The following KMT2A variants were observed in gnomAD, a reference collection of about 807,000 sequenced individuals.
KMT2A encodes lysine methyltransferase 2A.
Under a neutral mutation model 345.3 loss-of-function variants are expected in KMT2A, and 16 were observed. That is an observed-to-expected ratio of 0.05 (90% CI 0.03 to 0.07). The LOEUF (loss-of-function observed/expected upper bound fraction) is 0.07, where lower values mean the gene tolerates loss of function less well. KMT2A is among the 10% of genes least tolerant of loss of function. The pLI, the probability that KMT2A is intolerant of heterozygous loss-of-function variation, is 1.00. For missense variants in KMT2A, 3,272 were observed against 4,841.6 expected (o/e 0.68, Z 9.62); for synonymous variants, 1,599 against 1,778.6 (o/e 0.90, Z 2.54).
Position 118,491,158 on chromosome 11 carries a change from G to A in KMT2A, c.4697-38G>A. ...GAGGGCCGTAAAAACACGGGTATGT[G>A]AGCCAAAGCACTGCTGTAAACTTTG... is the stretch of plus-strand genomic sequence containing the variant. On this transcript the variant is annotated intron_variant, in intron 13 of 35. Transcript: ENST00000534358. This position sits in a 1 kb window ranked among gnomAD's most constrained non-coding sequence, Gnocchi z 4.2. 1 of 1,605,752 alleles carries A rather than the reference G, an allele frequency of 6.2e-7. No individual in the cohort carries two copies. The highest frequency in any genetic ancestry group is 8.5e-7 in the Non-Finnish European group (1 of 1,176,456).
chr11:118,496,298 C>T lies in KMT2A; in HGVS notation c.5595C>T (p.Asn1865=), dbSNP rs782296960. Residue 1865 remains asparagine (N), a synonymous_variant, in exon 20 of 36, where the codon AAC becomes AAT. Coordinates refer to ENST00000534358, the MANE Select transcript of KMT2A (RefSeq NM_001197104.2). This position sits in a 1 kb window ranked among gnomAD's most constrained non-coding sequence, Gnocchi z 4.7. Reference sequence around the variant, plus strand: ...GTCGAGAAGACAGTCCAGAGCTGAACCCACCCCCAGGCATAGAAGACAATA... The same window carrying T: ...GTCGAGAAGACAGTCCAGAGCTGAATCCACCCCCAGGCATAGAAGACAATA... The part of the protein sequence containing the change: ...DRSREDSPEL[N]PPPGIEDNRQ... The T allele has an allele frequency of 1.2e-6, 2 of 1,613,702 alleles. No individual in the cohort carries two copies. Among genetic ancestry groups the T allele is most frequent in the South Asian group, 1.1e-5 (1 of 91,082 alleles).
At chr11:118,492,655 G>A (rs1275826640) in intron 15 of KMT2A, among the ~76,000 whole-genome samples, 1 of 152,170 alleles carries the variant, frequency 6.6e-6, no homozygotes, top group African/African-American at 2.4e-5. Flanking sequence ...CTCAAGCCTG[G>A]GTGACAGAGC....
At chr11:118,512,530 CCATT>C (rs1295562305) in intron 31 of KMT2A, 2 of 153,794 alleles carry the variant, frequency 1.3e-5, no homozygotes, top group East Asian at 3.8e-4. Flanking sequence ...TGTTGCTTAT[CCATT>C]CATTAGTCAG....
intron 1 of KMT2A, among the ~76,000 whole-genome samples, chr11:118,463,634 C>G (rs1392759932): frequency 6.6e-6 from 1 of 152,128 alleles, no homozygotes; most frequent in Non-Finnish European, 1.5e-5. Context: ...GAAAACTATT[C>G]TACAGCCAGT....
Position 118,473,211 on chromosome 11 carries a change from T to G in KMT2A, c.2052T>G (p.Ser684=). The G allele has an allele frequency of 6.2e-7, 1 of 1,613,222 alleles. No homozygotes were observed. The highest frequency in any genetic ancestry group is 8.5e-7 in the Non-Finnish European group (1 of 1,179,576). ...CCCGATTGTTTTCGCCACTCCATTC[T>G]GGAACAAGGTTTGATATGCACAAAA... ...ASARLFSPLH[S]GTRFDMHKRS... The change falls in exon 3 of 36, where the codon TCT becomes TCG. Residue 684 remains serine, a synonymous_variant. Transcript: ENST00000534358. The surrounding 1 kb of genome is among the most constrained non-coding windows in gnomAD (Gnocchi z 5.2).
At position 118,526,608 on chromosome 11, in the gene KMT2A, G is replaced by T; in HGVS notation, c.*4436G>T. 1 of 229,680 alleles carries T rather than the reference G, an allele frequency of 4.4e-6. No individual in the cohort carries two copies. The highest frequency in any genetic ancestry group is 8.6e-6 in the Non-Finnish European group (1 of 116,248). The allele number at this position is 229,680 out of a possible 1,614,324, so 14.2% of individuals were successfully genotyped here. ...AGAGAAAAAAAAAAAAGGAAAATGT[G>T]TCTAAAGTCCATCAGTGTTAACTCC... is the stretch of plus-strand genomic sequence containing the variant. On this transcript the variant is annotated 3_prime_UTR_variant, in exon 36 of 36. Transcript: ENST00000534358.
chr11:118,444,625 G>C (rs1326571880), intron 1 of KMT2A, among the ~76,000 whole-genome samples: 2 of 152,206 alleles, frequency 1.3e-5, no homozygotes, highest in East Asian at 3.9e-4. Flanking sequence ...GCCTAGGCTA[G>C]AGTGTAATGG....
rs1029366758 is a variant in KMT2A, at chr11:118,491,114, G to C, written c.4697-82G>C. 137 of 1,392,322 alleles carry C rather than the reference G, an allele frequency of 9.8e-5. 1 individual carries two copies. In the South Asian group the frequency reaches 1.7e-3, roughly 18 times the overall value. 86.2% of individuals were successfully genotyped at this position (1,392,322 alleles called of 1,614,324 possible). On this transcript the variant is annotated intron_variant, in intron 13 of 35. Transcript: ENST00000534358. This position sits in a 1 kb window ranked among gnomAD's most constrained non-coding sequence, Gnocchi z 4.2. Reference sequence around the variant, plus strand: ...TCCCAGAAGAATATAGATTTAGATTGGGTTGGTAAATGCAAGTCGAGGGCC... The same window carrying C: ...TCCCAGAAGAATATAGATTTAGATTCGGTTGGTAAATGCAAGTCGAGGGCC...
At position 118,502,387 on chromosome 11, in the gene KMT2A, C is replaced by G; in HGVS notation, c.6506-11C>G. The G allele has an allele frequency of 6.4e-7, 1 of 1,555,406 alleles. No individual in the cohort carries two copies. The highest frequency in any genetic ancestry group is 8.7e-7 in the Non-Finnish European group (1 of 1,152,338). ...TACAATAGCATTTATTACTTTTTCT[C>G]TCTTGTTTAGGAAGTCCTACCCCAA... On this transcript the variant is annotated splice_polypyrimidine_tract_variant and intron_variant, in intron 26 of 35. Coordinates refer to ENST00000534358, the MANE Select transcript of KMT2A (RefSeq NM_001197104.2). This position sits in a 1 kb window ranked among gnomAD's most constrained non-coding sequence, Gnocchi z 4.9.
At chr11:118,468,442 A>C (rs1448411002) in intron 1 of KMT2A, among the ~76,000 whole-genome samples, 6 of 152,088 alleles carry the variant, frequency 3.9e-5, no homozygotes, top group African/African-American at 1.4e-4. Flanking sequence ...CATTATACTT[A>C]TTTGCTTACC....
Position 118,507,692 on chromosome 11 carries a change from C to G in KMT2A, c.10835+83C>G. 3.6e-6 allele frequency: 4 copies of G among 1,097,526 alleles called. No individual in the cohort carries two copies. In the Middle Eastern group the frequency reaches 7.5e-4, roughly 207 times the overall value. The allele number at this position is 1,097,526 out of a possible 1,614,324, so 68.0% of individuals were successfully genotyped here. The stretch of plus-strand genomic sequence containing the variant: ...AAAAATAGTTCTTCCAGGCCGGGCG[C>G]AGTGGCTCACGCCTGTAATCCTAGT... On this transcript the variant is annotated intron_variant, in intron 28 of 35. Transcript: ENST00000534358.
Position 118,521,157 on chromosome 11 carries a change from C to T in KMT2A, c.11514-131C>T. 9.6e-7 allele frequency: 1 copy of T among 1,041,358 alleles called. No individual in the cohort carries two copies. Among genetic ancestry groups the T allele is most frequent in the Non-Finnish European group, 1.4e-6 (1 of 709,576 alleles). The allele number at this position is 1,041,358 out of a possible 1,614,324, so 64.5% of individuals were successfully genotyped here. On this transcript the variant is annotated intron_variant, in intron 34 of 35. Transcript: ENST00000534358. The surrounding 1 kb of genome is among the most constrained non-coding windows in gnomAD (Gnocchi z 5.3). ...TGTTAGATGGCCAAATCAAGTGGGT[C>T]CAAATTTTTATTTTCTCAAGTATAT...
rs1555035918 is a variant in KMT2A, at chr11:118,472,499, C to G, written c.1340C>G (p.Pro447Arg). ...AAAATTGCCCGATTAGAGTCTACACCGAATAGTAGATTCAGTGCCCCGTCC... is the reference window on the plus strand; with the variant it reads ...AAAATTGCCCGATTAGAGTCTACACGGAATAGTAGATTCAGTGCCCCGTCC... ...PIKIARLEST[P>R]NSRFSAPSCG... The change falls in exon 3 of 36, where the codon CCG (proline) becomes CGG (arginine). Residue 447 changes from proline to arginine, a missense_variant. Coordinates refer to ENST00000534358, the MANE Select transcript of KMT2A (RefSeq NM_001197104.2). 2 of 1,613,250 alleles carry G rather than the reference C, an allele frequency of 1.2e-6. No homozygotes were observed. The highest frequency in any genetic ancestry group is 1.7e-5 in the Admixed American group (1 of 59,844).
At chr11:118,439,007 A>G (rs782799419) in intron 1 of KMT2A, 1 of 495,182 alleles carries the variant, frequency 2.0e-6, no homozygotes, top group South Asian at 1.5e-5. Flanking sequence ...TGAAAGGCCA[A>G]TTCTGTATTT....
At chr11:118,514,880 G>A (rs782657563) in intron 31 of KMT2A, among the ~76,000 whole-genome samples, 2 of 152,000 alleles carry the variant, frequency 1.3e-5, no homozygotes, top group Non-Finnish European at 2.9e-5. Flanking sequence ...TAATCTGCCC[G>A]CCTCAGCCTC....
chr11:118,459,768 A>ACCC (rs1565270187), intron 1 of KMT2A, among the ~76,000 whole-genome samples: 1 of 140,954 alleles, frequency 7.1e-6, no homozygotes, highest in African/African-American at 2.7e-5. Context: ...GGCCCTCCCA[A>ACCC]CCCCCCGCCC....
At chr11:118,513,569 C>A (rs1416875435) in intron 31 of KMT2A, among the ~76,000 whole-genome samples, 1 of 151,656 alleles carries the variant, frequency 6.6e-6, no homozygotes, top group Non-Finnish European at 1.5e-5. Context: ...TTTTTCAGAA[C>A]TTTTTTAATT....
In KMT2A at chr11:118,484,153, T is replaced by A. The variant is rs1555040185; in HGVS notation, c.4087-30T>A. The A allele has an allele frequency of 6.2e-7, 1 of 1,609,168 alleles. No individual in the cohort carries two copies. The highest frequency in any genetic ancestry group is 1.7e-5 in the Admixed American group (1 of 59,088). ...ATGTGAAGGCAAATAGGGTGTGATTTTGTTCTATATTCATCTTTTGTCTCC... is the reference window on the plus strand; with the variant it reads ...ATGTGAAGGCAAATAGGGTGTGATTATGTTCTATATTCATCTTTTGTCTCC... On this transcript the variant is annotated intron_variant, in intron 8 of 35. Transcript: ENST00000534358. The surrounding 1 kb of genome is among the most constrained non-coding windows in gnomAD (Gnocchi z 4.1).
chr11:118,521,384 G>A lies in KMT2A; in HGVS notation c.11610G>A (p.Gln3870=), dbSNP rs2135294593. 2 of 1,614,066 alleles carry A rather than the reference G, an allele frequency of 1.2e-6. No homozygotes were observed. The highest frequency in any genetic ancestry group is 2.2e-5 in the East Asian group (1 of 44,884). The change falls in exon 35 of 36, where the codon CAG becomes CAA. Residue 3870 remains glutamine, a synonymous_variant. Transcript: ENST00000534358. This position sits in a 1 kb window ranked among gnomAD's most constrained non-coding sequence, Gnocchi z 5.3. ...EYAGNVIRSI[Q]TDKREKYYDS... The stretch of plus-strand genomic sequence containing the variant: ...CCGGCAACGTCATCCGCTCCATCCA[G>A]ACTGACAAGCGGGAAAAGTATTACG...
Sources: allele counts gnomAD v4.1 joint callset (sites outside exome capture counted in the v4.1 genomes callset), GRCh38; gene constraint gnomAD v4.1.1; non-coding constraint Gnocchi (gnomAD v3.1); transcripts MANE v1.5; gene names NCBI Gene and HGNC (gene_info 2026-07-23, HGNC 2026-07-21).